The following HIVEP3 variants were observed in gnomAD, a reference collection of about 807,000 sequenced individuals.
The protein encoded by HIVEP3 is HIVEP zinc finger 3, also known as transcription factor HIVEP3.
In HIVEP3, 49 loss-of-function variants were observed where a neutral mutation model predicts 152.8. That is an observed-to-expected ratio of 0.32 (90% CI 0.26 to 0.41). HIVEP3 has a LOEUF of 0.41. Ranked by LOEUF, HIVEP3 falls within the 10% of genes least tolerant of loss-of-function variation. The pLI, the probability that HIVEP3 is intolerant of heterozygous loss-of-function variation, is 1.00. For synonymous variants in HIVEP3, 1,269 were observed against 1,289.0 expected, an observed-to-expected ratio of 0.98 and a Z score of 0.33; for missense variants, 2,790 against 3,103.3, an observed-to-expected ratio of 0.90 and a Z score of 2.40.
At chr1:41,883,568 C>G (rs538743811) in intron 1 of HIVEP3, among the ~76,000 whole-genome samples, 1 of 152,330 alleles carries the variant, frequency 6.6e-6, no homozygotes, top group African/African-American at 2.4e-5. Flanking sequence ...AATGGTACAC[C>G]TGACAGCAGA....
chr1:41,617,869 C>T (rs1228070187), intron 3 of HIVEP3, among the ~76,000 whole-genome samples: 1 of 120,862 alleles, frequency 8.3e-6, no homozygotes, highest in Non-Finnish European at 1.9e-5. Context: ...ACTGGACAGG[C>T]TTCTAAGCAT....
At chr1:42,000,516 G>C (rs971708433) in intron 1 of HIVEP3, among the ~76,000 whole-genome samples, 1 of 152,124 alleles carries the variant, frequency 6.6e-6, no homozygotes, top group Non-Finnish European at 1.5e-5. Context: ...AGGAGAAAGA[G>C]GAGGATGGGA....
intron 1 of HIVEP3, among the ~76,000 whole-genome samples, chr1:41,716,473 T>C (rs4526604): frequency 0.19 from 28,461 of 152,082 alleles, 6,666 homozygotes; most frequent in African/African-American, 0.55. Context: ...AGGAGCTACA[T>C]CTAGATTCCT....
chr1:41,544,649 CACT>C lies in HIVEP3; in HGVS notation c.5208-19742_5208-19740del, dbSNP rs1377480283. Among the ~76,000 whole-genome samples the C allele has an allele frequency of 4.7e-5, 7 of 148,934 alleles. No homozygotes were observed. In the South Asian group the frequency reaches 1.1e-3, roughly 23 times the overall value. On this transcript the variant is annotated intron_variant, in intron 5 of 8. Coordinates refer to ENST00000372583, the MANE Select transcript of HIVEP3 (RefSeq NM_024503.5). ...TCATCGCTACTACCATCACCACCAC[CACT>C]ACCACCACTACTACCACCACCACCA... is the stretch of plus-strand genomic sequence containing the variant.
intron 1 of HIVEP3, among the ~76,000 whole-genome samples, chr1:41,734,722 G>T (rs58339844): frequency 0.037 from 5,648 of 152,262 alleles, 350 homozygotes; most frequent in African/African-American, 0.13. Context: ...AGACTCAGGA[G>T]CAGGACCCAC....
intron 1 of HIVEP3, among the ~76,000 whole-genome samples, chr1:41,908,096 A>G (rs562885435): frequency 1.2e-4 from 18 of 152,290 alleles, no homozygotes; most frequent in South Asian, 6.2e-4. Context: ...GGCATCCATA[A>G]GAGAAAAAAG....
intron 1 of HIVEP3, among the ~76,000 whole-genome samples, chr1:41,768,600 C>T (rs577186430): frequency 6.6e-6 from 1 of 152,310 alleles, no homozygotes; most frequent in African/African-American, 2.4e-5. Flanking sequence ...CGTATATAGA[C>T]CCTTGTTAAC....
intron 1 of HIVEP3, among the ~76,000 whole-genome samples, chr1:41,934,268 A>G (rs1645009155): frequency 6.6e-6 from 1 of 152,106 alleles, no homozygotes. Context: ...GCCCGCTTCT[A>G]CTAGAGTTCA....
At chr1:41,593,404 T>C (rs960809749) in intron 3 of HIVEP3, among the ~76,000 whole-genome samples, 2 of 152,250 alleles carry the variant, frequency 1.3e-5, no homozygotes, top group Non-Finnish European at 2.9e-5. Flanking sequence ...TTTTTGGCTG[T>C]ACTCAAACTC....
chr1:42,024,987 T>A (rs980715331), intron 1 of HIVEP3, among the ~76,000 whole-genome samples: 1 of 152,218 alleles, frequency 6.6e-6, no homozygotes, highest in Non-Finnish European at 1.5e-5. Context: ...TGTCTTTTTG[T>A]TGTTGTTGTT....
chr1:41,945,470 G>C (rs1440135517), intron 1 of HIVEP3, among the ~76,000 whole-genome samples: 1 of 152,224 alleles, frequency 6.6e-6, no homozygotes, highest in Non-Finnish European at 1.5e-5. Context: ...GACATGGAGA[G>C]ATATAATGTT....
At chr1:41,835,750 G>A (rs1316661443) in intron 1 of HIVEP3, among the ~76,000 whole-genome samples, 1 of 152,180 alleles carries the variant, frequency 6.6e-6, no homozygotes, top group Non-Finnish European at 1.5e-5. Flanking sequence ...AAGTGCTGTG[G>A]TAGGGCCCAG....
chr1:41,686,010 G>C (rs1214046430), intron 2 of HIVEP3, among the ~76,000 whole-genome samples: 1 of 152,048 alleles, frequency 6.6e-6, no homozygotes, highest in Non-Finnish European at 1.5e-5. Context: ...GATGAATTCT[G>C]GGTTTACTTT....
chr1:41,771,882 G>A (rs957283303), intron 1 of HIVEP3, among the ~76,000 whole-genome samples: 3 of 152,102 alleles, frequency 2.0e-5, no homozygotes, highest in Non-Finnish European at 4.4e-5. Flanking sequence ...AGCCAGGCTG[G>A]TCTCAAATTC....
intron 2 of HIVEP3, among the ~76,000 whole-genome samples, chr1:41,687,943 T>C (rs577287857): frequency 6.6e-6 from 1 of 152,314 alleles, no homozygotes; most frequent in African/African-American, 2.4e-5. Flanking sequence ...AACCATTATC[T>C]AAGCCAACAA....
intron 1 of HIVEP3, among the ~76,000 whole-genome samples, chr1:42,002,734 C>A (rs186663386): frequency 1.3e-5 from 2 of 152,272 alleles, no homozygotes; most frequent in Admixed American, 1.3e-4. Flanking sequence ...CTCTCCTGTA[C>A]AAGTCAGTAG....
intron 3 of HIVEP3, among the ~76,000 whole-genome samples, chr1:41,615,065 G>T (rs918201888): frequency 3.3e-5 from 5 of 152,068 alleles, no homozygotes; most frequent in Non-Finnish European, 5.9e-5. Flanking sequence ...TGTGCCATTT[G>T]GTGACCACCG....
rs1447993056 is a variant in HIVEP3 at position 41,545,563 on chromosome 1, T to C, written c.5208-20653A>G. Among the ~76,000 whole-genome samples the C allele has an allele frequency of 2.7e-3, 145 of 52,784 alleles. No individual in the cohort carries two copies. In the Middle Eastern group the frequency reaches 0.037, roughly 14 times the overall value. 34.6% of individuals were successfully genotyped at this position (52,784 alleles called of 152,430 possible). ...ACCACCACCATCACCATCACTACCA[T>C]CACCACCACCACCACCACCATCACC... On this transcript the variant is annotated intron_variant, in intron 5 of 8. Coordinates refer to ENST00000372583, the MANE Select transcript of HIVEP3 (RefSeq NM_024503.5).
rs764964053 is a variant in HIVEP3, at chr1:41,510,600, G to C, written c.7072C>G (p.Leu2358Val). 5.1e-6 allele frequency: 8 copies of C among 1,555,994 alleles called. No homozygotes were observed. Among genetic ancestry groups the C allele is most frequent in the Non-Finnish European group, 7.0e-6 (8 of 1,150,512 alleles). Residue 2358 changes from leucine (L) to valine (V), a missense_variant, in exon 9 of 9, where the codon CTG (leucine) becomes GTG (valine). Leu to Val is a conservative substitution (Grantham distance 32, BLOSUM62 1). Around this residue, in one of 9 missense-constraint regions of HIVEP3, gnomAD observed 816 missense variants for 806.5 expected, o/e 1.01. Transcript: ENST00000372583. The part of the protein sequence containing the change: ...PLDRSSSVGC[L>V]AEASARFPAR... ...GGGAAGCGGGCAGAGGCCTCTGCCA[G>C]GCAGCCCACAGAGCTGCTGCGGTCC...
Sources: gnomAD v4.1 joint callset for allele counts (sites outside exome capture counted in the v4.1 genomes callset) on GRCh38, gnomAD v4.1.1 for gene constraint, gnomAD v4.1.1 regional missense constraint, MANE v1.5 for transcripts, NCBI Gene and HGNC (gene_info 2026-07-23, HGNC 2026-07-21) for gene names.